TNFRSF19: variants seen among roughly 807,000 people sequenced by gnomAD.
TNFRSF19 encodes TNF receptor superfamily member 19, also known as tumor necrosis factor receptor superfamily member 19.
TNFRSF19 carries 27 observed loss-of-function variants against 46.4 expected under a neutral mutation model. That is an observed-to-expected ratio of 0.58 (90% CI 0.43 to 0.80). The LOEUF (loss-of-function observed/expected upper bound fraction) is 0.80. Among genes scored for constraint, TNFRSF19 ranks in the 30% least tolerant of loss-of-function variants. The pLI is 0.00. For synonymous variants in TNFRSF19, 204 were observed against 205.0 expected (o/e 1.00, Z 0.04); for missense variants, 511 against 530.8 (o/e 0.96, Z 0.37).
chr13:23,594,436 A>C (rs1183606230), intron 3 of TNFRSF19: 2 of 295,608 alleles, frequency 6.8e-6, no homozygotes, highest in East Asian at 2.1e-4. Flanking sequence ...GTCTGCCATT[A>C]CTGAGGATTG....
intron 7 of TNFRSF19, among the ~76,000 whole-genome samples, chr13:23,660,787 G>T (rs1284665010): frequency 6.6e-6 from 1 of 152,026 alleles, no homozygotes; most frequent in African/African-American, 2.4e-5. Context: ...GGTAACCTTT[G>T]GTAGAGTAGG....
chr13:23,636,270 T>C (rs1021062624), intron 5 of TNFRSF19, among the ~76,000 whole-genome samples: 21 of 152,344 alleles, frequency 1.4e-4, no homozygotes, highest in African/African-American at 4.8e-4. Context: ...CTGAAAATAT[T>C]GCCAGGGGTC....
At chr13:23,669,164 A>C in intron 9 of TNFRSF19, 67 bp downstream of exon 9, 1 of 1,529,116 alleles carries the variant, frequency 6.5e-7, no homozygotes, top group Non-Finnish European at 8.7e-7. Context: ...CTCTGTTCCC[A>C]GCATAAGATT....
chr13:23,674,118 G>C lies in TNFRSF19; in HGVS notation c.*738G>C, dbSNP rs1400616313. 1 of 152,204 alleles carries C rather than the reference G, an allele frequency of 6.6e-6. No homozygotes were observed. Among genetic ancestry groups the C allele is most frequent in the Non-Finnish European group, 1.5e-5 (1 of 68,042 alleles). 9.4% of individuals were successfully genotyped at this position (152,204 alleles called of 1,614,324 possible). ...TGTGGTCGAGAAAGGGCAGCCCATT[G>C]CCCAGAATTAACACATATTGTAGAG... On this transcript the variant is annotated 3_prime_UTR_variant, in exon 10 of 10. Transcript: ENST00000248484.
intron 5 of TNFRSF19, among the ~76,000 whole-genome samples, chr13:23,646,191 T>C (rs1206590714): frequency 6.6e-6 from 1 of 152,168 alleles, no homozygotes; most frequent in Non-Finnish European, 1.5e-5. Context: ...GGCAGTGATC[T>C]TTCTGAAGCG....
At chr13:23,655,816 T>A (rs185201732) in intron 5 of TNFRSF19, among the ~76,000 whole-genome samples, 19 of 152,094 alleles carry the variant, frequency 1.2e-4, no homozygotes, top group Admixed American at 1.1e-3. Context: ...TAAAGAATTA[T>A]AAGAAAATAG....
chr13:23,589,477 G>A (rs534381914), intron 1 of TNFRSF19, among the ~76,000 whole-genome samples: 4 of 152,222 alleles, frequency 2.6e-5, no homozygotes, highest in African/African-American at 4.8e-5. Flanking sequence ...TAGTGAAGAC[G>A]AAGTTGTCAA....
chr13:23,579,038 G>A (rs1435858876), intron 1 of TNFRSF19, among the ~76,000 whole-genome samples: 2 of 152,234 alleles, frequency 1.3e-5, no homozygotes, highest in African/African-American at 4.8e-5. Context: ...GGGAAAGGCT[G>A]AAAGGTGGGG....
intron 3 of TNFRSF19, among the ~76,000 whole-genome samples, chr13:23,600,789 C>G (rs1013571276): frequency 6.6e-6 from 1 of 152,162 alleles, no homozygotes; most frequent in Non-Finnish European, 1.5e-5. Context: ...CTGCACAGGA[C>G]TATGGAAAGC....
chr13:23,573,022 C>T (rs182256482), intron 1 of TNFRSF19, among the ~76,000 whole-genome samples: 1 of 152,292 alleles, frequency 6.6e-6, no homozygotes, highest in East Asian at 1.9e-4. Flanking sequence ...TTGATCACAT[C>T]ATCTTTATGA....
chr13:23,582,587 A>G (rs1404037829), intron 1 of TNFRSF19, among the ~76,000 whole-genome samples: 1 of 152,204 alleles, frequency 6.6e-6, no homozygotes, highest in East Asian at 1.9e-4. Context: ...AGTAAGTGGC[A>G]TATATTTAAA....
At chr13:23,587,514 A>G (rs3794362) in intron 1 of TNFRSF19, among the ~76,000 whole-genome samples, 15,918 of 152,242 alleles carry the variant, frequency 0.1, 900 homozygotes, top group East Asian at 0.18. Context: ...TGACCGTTTA[A>G]CCAATGTTTG....
chr13:23,584,645 A>G (rs1174360957), intron 1 of TNFRSF19, among the ~76,000 whole-genome samples: 6 of 147,406 alleles, frequency 4.1e-5, no homozygotes, highest in Non-Finnish European at 4.5e-5. Context: ...AAAAAAAAAA[A>G]GCAGCCTAAT....
At chr13:23,632,769 C>T (rs1882429612) in intron 5 of TNFRSF19, among the ~76,000 whole-genome samples, 1 of 152,170 alleles carries the variant, frequency 6.6e-6, no homozygotes, top group African/African-American at 2.4e-5. Flanking sequence ...CCTTGGAACT[C>T]ATTTATTTTT....
At chr13:23,624,980 G>C (rs1474239849) in intron 4 of TNFRSF19, among the ~76,000 whole-genome samples, 1 of 152,024 alleles carries the variant, frequency 6.6e-6, no homozygotes, top group African/African-American at 2.4e-5. Flanking sequence ...TTGAACTCCC[G>C]ACCTCAGGTG....
intron 5 of TNFRSF19, among the ~76,000 whole-genome samples, chr13:23,630,131 C>A (rs905543347): frequency 6.6e-6 from 1 of 151,486 alleles, no homozygotes; most frequent in Non-Finnish European, 1.5e-5. Context: ...TAGTGAGACA[C>A]CATATTCACA....
At chr13:23,623,248 C>T (rs1382478972) in intron 4 of TNFRSF19, among the ~76,000 whole-genome samples, 1 of 152,160 alleles carries the variant, frequency 6.6e-6, no homozygotes, top group Non-Finnish European at 1.5e-5. Flanking sequence ...AGCACCATGT[C>T]CTCAAGGTTT....
chr13:23,581,931 C>T (rs9578618), intron 1 of TNFRSF19, among the ~76,000 whole-genome samples: 8 of 152,164 alleles, frequency 5.3e-5, no homozygotes, highest in African/African-American at 1.9e-4. Context: ...AAAAGGCCAA[C>T]ATGTTCTATT....
intron 5 of TNFRSF19, among the ~76,000 whole-genome samples, chr13:23,629,278 G>A (rs572982133): frequency 1.7e-4 from 26 of 152,214 alleles, no homozygotes; most frequent in African/African-American, 5.1e-4. Flanking sequence ...GGAACCAGGA[G>A]TAGCCCTCCC....
Sources: allele counts gnomAD v4.1 joint callset (sites outside exome capture counted in the v4.1 genomes callset), GRCh38; gene constraint gnomAD v4.1.1; transcripts MANE v1.5; gene names NCBI Gene and HGNC (gene_info 2026-07-23, HGNC 2026-07-21).